The following DRC8 variants were observed in gnomAD, a reference collection of about 807,000 sequenced individuals.
DRC8 encodes the protein dynein regulatory complex protein 8.
the DRC8 span, among the ~76,000 whole-genome samples, chr1:245,049,109 C>A: frequency 2.0e-5 from 3 of 152,024 alleles, no homozygotes; most frequent in African/African-American, 7.3e-5. The surrounding 1 kb of genome is among the most constrained non-coding windows in gnomAD (Gnocchi z 4.5). Context: ...CTCAGCCTCT[C>A]GAGTAGCTGG....
the DRC8 span, among the ~76,000 whole-genome samples, chr1:245,089,981 T>A: frequency 2.0e-5 from 3 of 152,140 alleles, no homozygotes; most frequent in South Asian, 6.2e-4. The surrounding 1 kb of genome is among the most constrained non-coding windows in gnomAD (Gnocchi z 4.8). Flanking sequence ...GGAATATCTC[T>A]TGTGGGAAAT....
the DRC8 span, among the ~76,000 whole-genome samples, chr1:245,113,564 G>A: frequency 6.6e-6 from 1 of 152,148 alleles, no homozygotes; most frequent in Non-Finnish European, 1.5e-5. Context: ...AGAGGAGCTG[G>A]CTATAGAAAA....
chr1:245,065,343 G>A, the DRC8 span, among the ~76,000 whole-genome samples: 715 of 151,984 alleles, frequency 4.7e-3, 9 homozygotes, highest in Middle Eastern at 0.014. Context: ...ATGAGCCACC[G>A]CGCCCAGCCT....
At chr1:245,016,483 C>T in the DRC8 span, among the ~76,000 whole-genome samples, 1 of 152,192 alleles carries the variant, frequency 6.6e-6, no homozygotes, top group African/African-American at 2.4e-5. Flanking sequence ...TTCTCCCCCA[C>T]CCACGCCCAG....
the DRC8 span, among the ~76,000 whole-genome samples, chr1:245,073,532 G>A: frequency 6.6e-6 from 1 of 152,042 alleles, no homozygotes; most frequent in African/African-American, 2.4e-5. Context: ...ACGGGGCGTG[G>A]CATATGGGAA....
At chr1:245,050,160 A>G in the DRC8 span, among the ~76,000 whole-genome samples, 1 of 152,236 alleles carries the variant, frequency 6.6e-6, no homozygotes, top group South Asian at 2.1e-4. Flanking sequence ...TTCTTGAGCC[A>G]GAAAGCTACT....
chr1:245,120,012 C>CA, the DRC8 span, among the ~76,000 whole-genome samples: 6 of 152,010 alleles, frequency 3.9e-5, no homozygotes, highest in African/African-American at 1.5e-4. Flanking sequence ...GCTGGGGCAT[C>CA]AGATAGAGGC....
the DRC8 span, among the ~76,000 whole-genome samples, chr1:245,056,467 T>C: frequency 6.6e-6 from 1 of 152,230 alleles, no homozygotes; most frequent in Non-Finnish European, 1.5e-5. Context: ...CTTCTGTTGC[T>C]GACACAGCAC....
chr1:244,978,425 G>A, the DRC8 span, among the ~76,000 whole-genome samples: 4 of 151,678 alleles, frequency 2.6e-5, no homozygotes, highest in Non-Finnish European at 5.9e-5. Flanking sequence ...CCCGGGAGGC[G>A]GAGGTTGTGA....
chr1:245,024,207 G>T, the DRC8 span, among the ~76,000 whole-genome samples: 1 of 152,072 alleles, frequency 6.6e-6, no homozygotes, highest in Non-Finnish European at 1.5e-5. Context: ...TTGTATGGAT[G>T]AATCATAATA....
the DRC8 span, among the ~76,000 whole-genome samples, chr1:245,024,157 G>A: frequency 6.6e-6 from 1 of 151,910 alleles, no homozygotes; most frequent in African/African-American, 2.4e-5. Flanking sequence ...GCGGCTGAGC[G>A]AGACTCTTAT....
chr1:245,002,904 C>G, the DRC8 span, among the ~76,000 whole-genome samples: 2 of 152,092 alleles, frequency 1.3e-5, no homozygotes, highest in Non-Finnish European at 2.9e-5. Context: ...AACTTCAGAA[C>G]CTTTTTGTCA....
chr1:245,089,381 A>G, the DRC8 span, among the ~76,000 whole-genome samples: 1 of 152,118 alleles, frequency 6.6e-6, no homozygotes, highest in Non-Finnish European at 1.5e-5. This position sits in a 1 kb window ranked among gnomAD's most constrained non-coding sequence, Gnocchi z 4.8. Context: ...GACAGTCTAG[A>G]ACAAAACCAT....
the DRC8 span, among the ~76,000 whole-genome samples, chr1:245,076,554 C>A: frequency 2.6e-5 from 4 of 152,190 alleles, no homozygotes; most frequent in Non-Finnish European, 5.9e-5. Context: ...CCCAACACGA[C>A]TTTGCTTTAA....
At chr1:245,083,593 T>C in the DRC8 span, 1 of 1,597,734 alleles carries the variant, frequency 6.3e-7, no homozygotes, top group Non-Finnish European at 8.5e-7. Flanking sequence ...AAATGAAAAA[T>C]ATAATATCTA....
the DRC8 span, among the ~76,000 whole-genome samples, chr1:245,118,924 T>G: frequency 6.6e-6 from 1 of 152,210 alleles, no homozygotes; most frequent in African/African-American, 2.4e-5. Flanking sequence ...ATGGGACAGC[T>G]GATGAGCTCC....
chr1:245,096,273 A>G, the DRC8 span, among the ~76,000 whole-genome samples: 40 of 152,264 alleles, frequency 2.6e-4, no homozygotes, highest in Non-Finnish European at 4.4e-4. Context: ...CAGGAAATGC[A>G]CAAATATTCA....
At chr1:245,045,212 A>G in the DRC8 span, among the ~76,000 whole-genome samples, 5 of 151,718 alleles carry the variant, frequency 3.3e-5, no homozygotes, top group African/African-American at 9.7e-5. Context: ...TTCTTACTGT[A>G]TTGCTCAGGG....
At chr1:244,991,382 G>A in the DRC8 span, among the ~76,000 whole-genome samples, 7 of 152,154 alleles carry the variant, frequency 4.6e-5, no homozygotes, top group African/African-American at 1.4e-4. Context: ...GGTTTTTGTG[G>A]GGGTTCCATT....
Sources: allele counts gnomAD v4.1 joint callset (sites outside exome capture counted in the v4.1 genomes callset), GRCh38; gene constraint gnomAD v4.1.1; non-coding constraint Gnocchi (gnomAD v3.1); transcripts MANE v1.5; gene names NCBI Gene and HGNC (gene_info 2026-07-23, HGNC 2026-07-21).